WWOX: variants seen among roughly 807,000 people sequenced by gnomAD.
WWOX encodes the protein WW domain containing oxidoreductase.
In WWOX, 69 loss-of-function variants were observed where a neutral mutation model predicts 46.2. The ratio of observed to expected loss-of-function variants is 1.49; its 90% confidence interval spans 1.23 to 1.82. WWOX has a LOEUF of 1.82. Ranked by LOEUF, WWOX falls within the 40% of genes most tolerant of loss-of-function variation. The probability of loss-of-function intolerance (pLI) is 0.00; values close to 1 mark genes in which losing one functional copy is unlikely to be tolerated. For synonymous variants in WWOX, 359 were observed against 202.6 expected (o/e 1.77, Z -6.56); for missense variants, 919 against 542.6 (o/e 1.69, Z -6.89).
chr16:78,999,935 T>C (rs985568057), intron 8 of WWOX, among the ~76,000 whole-genome samples: 1 of 152,210 alleles, frequency 6.6e-6, no homozygotes, highest in Non-Finnish European at 1.5e-5. Flanking sequence ...GAAAGCATTG[T>C]GCCATATTTT....
intron 8 of WWOX, among the ~76,000 whole-genome samples, chr16:78,796,867 C>T (rs558629662): frequency 6.6e-6 from 1 of 151,058 alleles, no homozygotes; most frequent in African/African-American, 2.4e-5. Flanking sequence ...ACTCTGTCAC[C>T]TAGGCTGGAG....
intron 8 of WWOX, chr16:79,017,439 A>G (rs2047439175): frequency 7.4e-6 from 1 of 134,948 alleles, no homozygotes; most frequent in African/African-American, 3.2e-5. Flanking sequence ...CAAAAAAAAA[A>G]AAAAAAAAAA....
At chr16:78,162,578 A>G (rs1176722381) in intron 4 of WWOX, among the ~76,000 whole-genome samples, 1 of 152,124 alleles carries the variant, frequency 6.6e-6, no homozygotes, top group Non-Finnish European at 1.5e-5. Flanking sequence ...ATACATGTCA[A>G]CACATACACA....
chr16:78,636,822 T>G (rs1214278362), intron 8 of WWOX, among the ~76,000 whole-genome samples: 1 of 152,188 alleles, frequency 6.6e-6, no homozygotes, highest in Non-Finnish European at 1.5e-5. Flanking sequence ...GTTAATTTGG[T>G]TGCTCCTTCA....
intron 5 of WWOX, among the ~76,000 whole-genome samples, chr16:78,318,893 G>C (rs1027646784): frequency 2.6e-5 from 4 of 152,144 alleles, no homozygotes; most frequent in Non-Finnish European, 4.4e-5. Context: ...TATAATTCCA[G>C]GTAGGTAAAA....
intron 8 of WWOX, among the ~76,000 whole-genome samples, chr16:78,480,670 G>A (rs1204213582): frequency 1.3e-5 from 2 of 152,158 alleles, no homozygotes; most frequent in Non-Finnish European, 2.9e-5. Context: ...CACTGACACA[G>A]GTACCCTCTC....
At position 79,014,004 on chromosome 16, in the gene WWOX, G is replaced by T. The variant is rs576421297; in HGVS notation, c.1057-197604G>T. Among the ~76,000 whole-genome samples, 4 of 152,252 alleles carry T rather than the reference G, an allele frequency of 2.6e-5. No homozygotes were observed. In the South Asian group the frequency reaches 8.3e-4, roughly 32 times the overall value. On this transcript the variant is annotated intron_variant, in intron 8 of 8. Transcript: ENST00000566780. ...TTTTGCTCTCCTCCTTTTGTCAGTT[G>T]GCATGCGATATGCTTCTCAGGCAGT...
intron 8 of WWOX, among the ~76,000 whole-genome samples, chr16:78,805,334 C>T (rs377109027): frequency 1.3e-5 from 2 of 152,294 alleles, no homozygotes; most frequent in East Asian, 3.9e-4. Context: ...GATCTCGGCT[C>T]ACTGCAAGCT....
chr16:79,017,925 C>T (rs544443984), intron 8 of WWOX, among the ~76,000 whole-genome samples: 3 of 152,084 alleles, frequency 2.0e-5, no homozygotes, highest in African/African-American at 7.2e-5. Flanking sequence ...AGTAGTAAAA[C>T]ACATGTAAAA....
At chr16:78,777,390 G>A (rs1394684294) in intron 8 of WWOX, among the ~76,000 whole-genome samples, 3 of 152,124 alleles carry the variant, frequency 2.0e-5, no homozygotes, top group East Asian at 3.9e-4. Context: ...ACCAGGGGCT[G>A]GACTTTTAGT....
At chr16:78,103,388 G>A (rs1037859235) in intron 1 of WWOX, among the ~76,000 whole-genome samples, 1 of 151,862 alleles carries the variant, frequency 6.6e-6, no homozygotes, top group African/African-American at 2.4e-5. Context: ...TCAGCCCCCC[G>A]TGCATTAGCT....
intron 8 of WWOX, among the ~76,000 whole-genome samples, chr16:79,027,334 A>T (rs372935049): frequency 6.6e-6 from 1 of 151,416 alleles, no homozygotes. Flanking sequence ...TAGATAATAT[A>T]GCTCTGCAGA....
intron 8 of WWOX, among the ~76,000 whole-genome samples, chr16:79,187,258 A>G (rs548029234): frequency 1.3e-5 from 2 of 152,350 alleles, no homozygotes; most frequent in South Asian, 4.1e-4. Flanking sequence ...TTTTTGAGAA[A>G]GCTAAACGTG....
At chr16:79,144,768 A>G (rs1355578174) in intron 8 of WWOX, among the ~76,000 whole-genome samples, 2 of 152,184 alleles carry the variant, frequency 1.3e-5, no homozygotes, top group Non-Finnish European at 1.5e-5. Context: ...ATACATTGTC[A>G]ACTGTGGTAC....
chr16:78,367,014 C>T (rs551783881), intron 5 of WWOX, among the ~76,000 whole-genome samples: 1 of 114,538 alleles, frequency 8.7e-6, no homozygotes, highest in East Asian at 2.9e-4. Flanking sequence ...TAGTCTTGCT[C>T]TGTTGCCCAG....
At chr16:79,195,883 C>T (rs1392313090) in intron 8 of WWOX, among the ~76,000 whole-genome samples, 1 of 152,172 alleles carries the variant, frequency 6.6e-6, no homozygotes, top group African/African-American at 2.4e-5. Context: ...TTTTTCATTT[C>T]CTGCGTCACT....
intron 8 of WWOX, among the ~76,000 whole-genome samples, chr16:78,868,949 A>G (rs1226032240): frequency 6.6e-6 from 1 of 152,090 alleles, no homozygotes; most frequent in Non-Finnish European, 1.5e-5. Context: ...AAACGTCCAT[A>G]CACACCCATG....
intron 8 of WWOX, among the ~76,000 whole-genome samples, chr16:79,020,130 C>G (rs1196693780): frequency 6.6e-6 from 1 of 152,136 alleles, no homozygotes; most frequent in Non-Finnish European, 1.5e-5. Flanking sequence ...CTAGATCTCT[C>G]CCTGGGGAGA....
intron 8 of WWOX, among the ~76,000 whole-genome samples, chr16:78,522,628 G>T (rs541975786): frequency 6.6e-6 from 1 of 152,350 alleles, no homozygotes; most frequent in East Asian, 1.9e-4. Flanking sequence ...GCCGCAAGAG[G>T]AAATGGTATT....
Sources: gnomAD v4.1 joint callset for allele counts (sites outside exome capture counted in the v4.1 genomes callset) on GRCh38, gnomAD v4.1.1 for gene constraint, MANE v1.5 for transcripts, NCBI Gene and HGNC (gene_info 2026-07-23, HGNC 2026-07-21) for gene names.